Variants in ZNG1E observed in about 807,000 individuals in gnomAD.
ZNG1E encodes the protein Zn regulated GTPase metalloprotein activator 1E.
the ZNG1E span, among the ~76,000 whole-genome samples, chr9:65,665,279 C>A: frequency 5.0e-3 from 755 of 151,498 alleles, no homozygotes; most frequent in African/African-American, 0.016. Context: ...GTGGGCTGGG[C>A]CCAGGGTCCC....
the ZNG1E span, among the ~76,000 whole-genome samples, chr9:65,680,661 G>A: frequency 6.6e-6 from 1 of 152,260 alleles, no homozygotes; most frequent in African/African-American, 2.4e-5. Context: ...TCACCGTTTG[G>A]TATATTTCTG....
At chr9:65,714,830 G>T in the ZNG1E span, among the ~76,000 whole-genome samples, 5 of 151,946 alleles carry the variant, frequency 3.3e-5, no homozygotes, top group Non-Finnish European at 7.3e-5. Flanking sequence ...TTAAGTCTGC[G>T]GAGGTTACTG....
the ZNG1E span, among the ~76,000 whole-genome samples, chr9:65,686,609 TG>T: frequency 6.6e-6 from 1 of 152,208 alleles, no homozygotes; most frequent in Non-Finnish European, 1.5e-5. Context: ...CACTCCAGCC[TG>T]GGTGACAGAG....
the ZNG1E span, among the ~76,000 whole-genome samples, chr9:65,672,311 C>T: frequency 1.3e-5 from 2 of 152,100 alleles, no homozygotes; most frequent in Admixed American, 1.3e-4. Flanking sequence ...GACAAAATAG[C>T]AAAGCTAAAT....
the ZNG1E span, among the ~76,000 whole-genome samples, chr9:65,657,481 T>G: frequency 6.6e-6 from 1 of 152,276 alleles, no homozygotes; most frequent in Non-Finnish European, 1.5e-5. Context: ...AAAAAACAAA[T>G]TTCACATGTT....
chr9:65,716,351 T>C, the ZNG1E span, among the ~76,000 whole-genome samples: 1 of 150,066 alleles, frequency 6.7e-6, no homozygotes, highest in Non-Finnish European at 1.5e-5. Flanking sequence ...AAGCATGGGG[T>C]CTTGCTATGT....
At chr9:65,687,549 C>T in the ZNG1E span, among the ~76,000 whole-genome samples, 4 of 152,360 alleles carry the variant, frequency 2.6e-5, no homozygotes, top group East Asian at 3.9e-4. Flanking sequence ...GTTTGATTGG[C>T]TGGATTTCTT....
At chr9:65,702,460 A>G in the ZNG1E span, among the ~76,000 whole-genome samples, 8 of 149,286 alleles carry the variant, frequency 5.4e-5, no homozygotes, top group South Asian at 4.3e-4. Flanking sequence ...AGGTTATTCT[A>G]TAAAGGAACC....
the ZNG1E span, among the ~76,000 whole-genome samples, chr9:65,699,245 T>A: frequency 2.1e-4 from 31 of 146,022 alleles, no homozygotes; most frequent in African/African-American, 4.3e-4. Flanking sequence ...TTTTTGTAAC[T>A]TTTTTCCTTA....
At chr9:65,720,059 G>T in the ZNG1E span, 1 of 1,596,028 alleles carries the variant, frequency 6.3e-7, no homozygotes. Flanking sequence ...AAAAACTTCA[G>T]CATGTGCCAG....
At chr9:65,664,304 G>T in the ZNG1E span, among the ~76,000 whole-genome samples, 40 of 150,806 alleles carry the variant, frequency 2.7e-4, no homozygotes, top group African/African-American at 9.6e-4. Flanking sequence ...ATCTCATCTT[G>T]AATTCCCATG....
chr9:65,694,159 TG>T, the ZNG1E span, among the ~76,000 whole-genome samples: 1 of 151,094 alleles, frequency 6.6e-6, no homozygotes, highest in East Asian at 1.9e-4. Flanking sequence ...TCTTGAAAAA[TG>T]CTTATGGAGG....
the ZNG1E span, among the ~76,000 whole-genome samples, chr9:65,675,306 G>C: frequency 1.9e-4 from 29 of 152,020 alleles, no homozygotes; most frequent in Non-Finnish European, 2.9e-4. Flanking sequence ...TCATGCACCA[G>C]CAAATATGAT....
At chr9:65,709,389 A>C in the ZNG1E span, among the ~76,000 whole-genome samples, 2 of 149,200 alleles carry the variant, frequency 1.3e-5, no homozygotes, top group Admixed American at 6.7e-5. Context: ...TTTAGGGTAC[A>C]TGTGCACAAT....
the ZNG1E span, among the ~76,000 whole-genome samples, chr9:65,685,078 T>C: frequency 6.6e-6 from 1 of 150,904 alleles, no homozygotes; most frequent in African/African-American, 2.4e-5. Flanking sequence ...AAGCTGTGTT[T>C]ATACTATACT....
chr9:65,661,360 CATGTTG>C, the ZNG1E span, among the ~76,000 whole-genome samples: 1 of 149,702 alleles, frequency 6.7e-6, no homozygotes, highest in African/African-American at 2.5e-5. Context: ...TTTTCTAAGG[CATGTTG>C]ACATGATAAA....
chr9:65,682,486 TA>T, the ZNG1E span: 1 of 333,766 alleles, frequency 3.0e-6, no homozygotes, highest in South Asian at 5.3e-5. Context: ...CATAAAGCTA[TA>T]AAAAGATACT....
At chr9:65,661,671 G>C in the ZNG1E span, among the ~76,000 whole-genome samples, 1 of 152,116 alleles carries the variant, frequency 6.6e-6, no homozygotes, top group Non-Finnish European at 1.5e-5. Flanking sequence ...AGAGTAAAAA[G>C]TCAAGCAAGT....
the ZNG1E span, chr9:65,719,939 T>A: frequency 2.8e-6 from 4 of 1,429,016 alleles, 1 homozygote; most frequent in African/African-American, 6.2e-5. Flanking sequence ...AATATTAGAA[T>A]AGTCAGTTAT....
Sources: allele counts gnomAD v4.1 joint callset (sites outside exome capture counted in the v4.1 genomes callset), GRCh38; gene constraint gnomAD v4.1.1; transcripts MANE v1.5; gene names NCBI Gene and HGNC (gene_info 2026-07-23, HGNC 2026-07-21).